SGIP1: variants seen among roughly 807,000 people sequenced by gnomAD.
The protein encoded by SGIP1 is SH3-containing GRB2-like protein 3-interacting protein 1.
SGIP1 carries 38 observed loss-of-function variants against 107.5 expected under a neutral mutation model. The ratio of observed to expected loss-of-function variants is 0.35; its 90% confidence interval spans 0.27 to 0.46. SGIP1 has a LOEUF of 0.46. Among genes scored for constraint, SGIP1 ranks in the 20% least tolerant of loss-of-function variants. The pLI is 1.00. For synonymous variants in SGIP1, 365 were observed against 366.1 expected, an observed-to-expected ratio of 1.00 and a Z score of 0.03; for missense variants, 929 against 1,019.5, an observed-to-expected ratio of 0.91 and a Z score of 1.21.
At chr1:66,634,711 A>G (rs892514210) in intron 3 of SGIP1, among the ~76,000 whole-genome samples, 1 of 152,250 alleles carries the variant, frequency 6.6e-6, no homozygotes, top group African/African-American at 2.4e-5. Flanking sequence ...CTTAGGAAAT[A>G]ACACAGACCT....
intron 13 of SGIP1, among the ~76,000 whole-genome samples, chr1:66,677,436 A>G (rs1314022851): frequency 6.6e-6 from 1 of 152,238 alleles, no homozygotes; most frequent in Non-Finnish European, 1.5e-5. Context: ...AGGCTATCAT[A>G]TAACACAGAG....
At chr1:66,659,903 ACT>A (rs1273745720) in intron 7 of SGIP1, among the ~76,000 whole-genome samples, 1 of 147,366 alleles carries the variant, frequency 6.8e-6, no homozygotes, top group African/African-American at 2.5e-5. Flanking sequence ...AGCAAGACAG[ACT>A]CTGTCAGAAA....
chr1:66,657,377 T>G (rs969028747), intron 7 of SGIP1, among the ~76,000 whole-genome samples: 18 of 152,252 alleles, frequency 1.2e-4, no homozygotes, highest in Admixed American at 9.8e-4. Context: ...CAAGCAGAGA[T>G]GTAATCAGAG....
rs2076440562 is a variant in SGIP1, at chr1:66,639,790, G to T, written c.185G>T (p.Gly62Val). ...AATTTATTACAGAAGAAAAGCAATG[G>T]GGCACCAAATGGATTTTATGCGGAA... ...GGKKVSKKSN[G>V]APNGFYAEID... The change falls in exon 5 of 25, where the codon GGG (glycine) becomes GTG (valine). Residue 62 changes from glycine to valine, a missense_variant. Physicochemically the swap from Gly to Val is moderately radical, Grantham distance 109. Around this residue, in one of 2 missense-constraint regions of SGIP1, gnomAD observed 588 missense variants for 588.6 expected, o/e 1.00. Transcript: ENST00000371037. The T allele has an allele frequency of 6.2e-7, 1 of 1,611,180 alleles. No individual in the cohort carries two copies. Among genetic ancestry groups the T allele is most frequent in the Non-Finnish European group, 8.5e-7 (1 of 1,178,352 alleles).
intron 20 of SGIP1, among the ~76,000 whole-genome samples, chr1:66,732,137 T>G (rs2094041939): frequency 6.6e-6 from 1 of 152,210 alleles, no homozygotes; most frequent in Non-Finnish European, 1.5e-5. Context: ...ATTGAGGGTT[T>G]CCCAGTTATT....
chr1:66,736,481 GTAT>G (rs372387701), intron 21 of SGIP1, among the ~76,000 whole-genome samples: 10 of 51,852 alleles, frequency 1.9e-4, no homozygotes, highest in Admixed American at 3.0e-4. Flanking sequence ...AATATATTGC[GTAT>G]TATATGTGAA....
intron 10 of SGIP1, among the ~76,000 whole-genome samples, chr1:66,671,671 C>T (rs1345608315): frequency 6.6e-6 from 1 of 152,196 alleles, no homozygotes; most frequent in African/African-American, 2.4e-5. Context: ...TGCTCTTTCA[C>T]TAAGTGCTGC....
In SGIP1 at chr1:66,687,227, T is replaced by G. The variant is rs373001867; in HGVS notation, c.1316-1921T>G. ...TACTTCTTGGAAACAGACCTACAGA[T>G]AGACATTTTGGACCTTTCCTATGCA... is the stretch of plus-strand genomic sequence containing the variant. On this transcript the variant is annotated intron_variant, in intron 15 of 24. Coordinates refer to ENST00000371037, the MANE Select transcript of SGIP1 (RefSeq NM_032291.4). Among the ~76,000 whole-genome samples, 11 of 151,644 alleles carry G rather than the reference T, an allele frequency of 7.3e-5. No homozygotes were observed. The East Asian group carries it at 1.9e-3, about 27-fold the overall frequency.
At chr1:66,591,656 T>A (rs2063648717) in intron 1 of SGIP1, among the ~76,000 whole-genome samples, 1 of 152,054 alleles carries the variant, frequency 6.6e-6, no homozygotes, top group African/African-American at 2.4e-5. Context: ...AGAGACAAAG[T>A]GTAGAGAAAG....
At chr1:66,584,842 T>C (rs1288141119) in intron 1 of SGIP1, among the ~76,000 whole-genome samples, 1 of 152,208 alleles carries the variant, frequency 6.6e-6, no homozygotes, top group Non-Finnish European at 1.5e-5. Context: ...GGGATTTCTT[T>C]CCTGGTGCTT....
At chr1:66,669,210 A>G (rs962106528) in intron 9 of SGIP1, among the ~76,000 whole-genome samples, 3 of 152,260 alleles carry the variant, frequency 2.0e-5, no homozygotes, top group Admixed American at 6.5e-5. Flanking sequence ...TTTAATAAAA[A>G]TGTTACAGGG....
intron 1 of SGIP1, among the ~76,000 whole-genome samples, chr1:66,592,690 C>A (rs778344318): frequency 6.6e-6 from 1 of 152,108 alleles, no homozygotes; most frequent in Non-Finnish European, 1.5e-5. Context: ...CACGTATTCA[C>A]CATTATAGAA....
At chr1:66,604,791 G>GC (rs1264907727) in intron 1 of SGIP1, among the ~76,000 whole-genome samples, 2 of 152,176 alleles carry the variant, frequency 1.3e-5, no homozygotes, top group Non-Finnish European at 2.9e-5. Flanking sequence ...TCAACCTGTA[G>GC]CCCCTTACTT....
chr1:66,535,357 G>A (rs940602987), intron 1 of SGIP1, among the ~76,000 whole-genome samples: 2 of 152,194 alleles, frequency 1.3e-5, no homozygotes, highest in Admixed American at 1.3e-4. Context: ...AGAATTGAGT[G>A]CATAATGGGT....
rs1460077659 is a variant in SGIP1, at chr1:66,641,968, A to G, written c.229-842A>G. The stretch of plus-strand genomic sequence containing the variant: ...TTCATCCCATCCCACCAATAACTCT[A>G]TCCATATCCTTAGCACATCTTGCCT... On this transcript the variant is annotated intron_variant, in intron 5 of 24. Coordinates refer to ENST00000371037, the MANE Select transcript of SGIP1 (RefSeq NM_032291.4). 2.6e-5 allele frequency among the ~76,000 whole-genome samples: 4 copies of G among 152,086 alleles called. No homozygotes were observed. The East Asian group carries it at 7.7e-4, about 29-fold the overall frequency.
intron 20 of SGIP1, 106 bp from the exon 21 acceptor site, chr1:66,733,642 C>A: frequency 8.2e-7 from 1 of 1,212,726 alleles, no homozygotes. Flanking sequence ...TACAAATTGT[C>A]AAAAAATGGC....
chr1:66,679,656 T>A, intron 13 of SGIP1, 22 bp from the exon 14 acceptor site: 1 of 1,601,358 alleles, frequency 6.2e-7, no homozygotes, highest in Non-Finnish European at 8.5e-7. Flanking sequence ...CCAATGATAC[T>A]TAATTTCTCA....
chr1:66,563,246 A>T (rs115200271), intron 1 of SGIP1, among the ~76,000 whole-genome samples: 2,341 of 152,096 alleles, frequency 0.015, 37 homozygotes, highest in Non-Finnish European at 0.019. Context: ...CAGGGCCGGC[A>T]CGGGAGGTAC....
chr1:66,574,959 A>C (rs939177633), intron 1 of SGIP1, among the ~76,000 whole-genome samples: 1 of 152,148 alleles, frequency 6.6e-6, no homozygotes, highest in Non-Finnish European at 1.5e-5. Flanking sequence ...ATTATTTTTA[A>C]ATGTTCTTCC....
Sources: allele counts gnomAD v4.1 joint callset (sites outside exome capture counted in the v4.1 genomes callset), GRCh38; gene constraint gnomAD v4.1.1; regional missense constraint gnomAD v4.1.1; transcripts MANE v1.5; gene names NCBI Gene and HGNC (gene_info 2026-07-23, HGNC 2026-07-21).